The following HDAC8 variants were observed in gnomAD, a reference collection of about 807,000 sequenced individuals.
HDAC8 encodes histone deacetylase 8, also known as histone deacetylase-like 1.
In HDAC8, 1 loss-of-function variant was observed where a neutral mutation model predicts 32.2. The ratio of observed to expected loss-of-function variants is 0.03; its 90% CI spans 0.01 to 0.15. HDAC8 has a LOEUF of 0.15. Ranked by LOEUF, HDAC8 falls within the 10% of genes least tolerant of loss-of-function variation. HDAC8 has a pLI of 1.00. For synonymous variants in HDAC8, 108 were observed against 113.9 expected (o/e 0.95, Z 0.33); for missense variants, 117 against 300.0 (o/e 0.39, Z 4.51).
chrX:72,344,891 T>C (rs782506613), intron 10 of HDAC8, among the ~76,000 whole-genome samples: 50 of 111,892 alleles, frequency 4.5e-4, no homozygotes, highest in African/African-American at 1.5e-3. Flanking sequence ...CAAATATCAC[T>C]GTATCATGTG....
At chrX:72,333,842 G>C (rs2043605321) in intron 10 of HDAC8, among the ~76,000 whole-genome samples, 1 of 111,550 alleles carries the variant, frequency 9.0e-6, no homozygotes, top group South Asian at 3.8e-4. Context: ...ACCTACAGGG[G>C]ACACTGGTGT....
At chrX:72,528,800 A>G (rs782081476) in intron 4 of HDAC8, among the ~76,000 whole-genome samples, 1 of 111,859 alleles carries the variant, frequency 8.9e-6, no homozygotes, top group Non-Finnish European at 1.9e-5. Flanking sequence ...TACCTTACTC[A>G]TGTCCTTATC....
intron 7 of HDAC8, among the ~76,000 whole-genome samples, chrX:72,477,188 G>C (rs782373765): frequency 8.9e-6 from 1 of 111,896 alleles, no homozygotes; most frequent in Admixed American, 9.5e-5. Context: ...GGAAAGGGGA[G>C]TGTTGGAGTC....
intron 4 of HDAC8, among the ~76,000 whole-genome samples, chrX:72,495,840 G>C (rs1320378846): frequency 8.9e-6 from 1 of 112,197 alleles, no homozygotes; most frequent in Non-Finnish European, 1.9e-5. Flanking sequence ...GTGGTCGCCT[G>C]TCTGTAAATG....
chrX:72,568,895 C>T lies in HDAC8; in HGVS notation c.165-11G>A, dbSNP rs782773507. 1.7e-6 allele frequency: 2 copies of T among 1,202,599 alleles called. No individual in the cohort carries two copies. The highest frequency in any genetic ancestry group is 3.5e-5 in the African/African-American group (2 of 56,963). ...TTAGGCTTAACTATCCTAATAATAA[C>T]AGAGAGAACAAAGAGAGGTCAGTGA... On this transcript the variant is annotated splice_polypyrimidine_tract_variant and intron_variant, in intron 2 of 10. Coordinates refer to ENST00000373573, the MANE Select transcript of HDAC8 (RefSeq NM_018486.3).
intron 4 of HDAC8, among the ~76,000 whole-genome samples, chrX:72,525,604 C>G (rs1025630694): frequency 1.3e-4 from 14 of 109,336 alleles, no homozygotes; most frequent in East Asian, 2.9e-4. Context: ...ACGAGGTCAG[C>G]AGATCGAGAC....
intron 9 of HDAC8, among the ~76,000 whole-genome samples, chrX:72,411,266 C>T (rs1366557079): frequency 1.8e-5 from 2 of 110,811 alleles, no homozygotes; most frequent in Non-Finnish European, 3.8e-5. Flanking sequence ...CCTCGTGATC[C>T]TCCCACCTTG....
At chrX:72,551,294 T>C (rs1273197485) in intron 4 of HDAC8, among the ~76,000 whole-genome samples, 1 of 112,073 alleles carries the variant, frequency 8.9e-6, no homozygotes, top group African/African-American at 3.2e-5. Context: ...TTAAAGATCA[T>C]GCTACAAATA....
intron 4 of HDAC8, among the ~76,000 whole-genome samples, chrX:72,505,440 G>A (rs782637963): frequency 9.0e-6 from 1 of 111,663 alleles, no homozygotes; most frequent in South Asian, 3.8e-4. Flanking sequence ...CCTATTCACT[G>A]TCTTTGAGCT....
intron 4 of HDAC8, among the ~76,000 whole-genome samples, chrX:72,564,075 G>A (rs782518254): frequency 2.3e-3 from 251 of 111,012 alleles, no homozygotes; most frequent in Middle Eastern, 9.3e-3. Context: ...CAGGAGAATC[G>A]CTTGAACCCG....
intron 10 of HDAC8, among the ~76,000 whole-genome samples, chrX:72,335,686 G>A (rs2043663267): frequency 9.0e-6 from 1 of 111,076 alleles, no homozygotes; most frequent in Admixed American, 9.7e-5. Context: ...TGAGGCGGGA[G>A]GATCACTTGA....
chrX:72,500,193 C>T (rs782087330), intron 4 of HDAC8, among the ~76,000 whole-genome samples: 14 of 111,667 alleles, frequency 1.3e-4, no homozygotes, highest in Non-Finnish European at 2.4e-4. Context: ...CCAAATTCTA[C>T]CAGATGTATA....
chrX:72,472,205 C>A (rs782699161), intron 7 of HDAC8, among the ~76,000 whole-genome samples: 1 of 106,108 alleles, frequency 9.4e-6, no homozygotes, highest in African/African-American at 3.4e-5. Context: ...GTAGCTGGGA[C>A]TACAGGCGCC....
intron 4 of HDAC8, among the ~76,000 whole-genome samples, chrX:72,521,013 A>T (rs1372585679): frequency 2.7e-5 from 3 of 112,234 alleles, no homozygotes; most frequent in Non-Finnish European, 5.6e-5. Flanking sequence ...GAGTTTAATA[A>T]CTTGTTTAAC....
At chrX:72,333,804 G>A (rs1307676759) in intron 10 of HDAC8, among the ~76,000 whole-genome samples, 3 of 111,038 alleles carry the variant, frequency 2.7e-5, no homozygotes, top group African/African-American at 3.3e-5. Context: ...CCACACCTTC[G>A]CTTGTGTTGT....
chrX:72,414,942 C>T (rs1259109967), intron 9 of HDAC8, among the ~76,000 whole-genome samples: 1 of 112,182 alleles, frequency 8.9e-6, no homozygotes, highest in African/African-American at 3.2e-5. Flanking sequence ...GTTCCTTGAT[C>T]CTGGGAAAGA....
At chrX:72,407,698 G>T (rs990490654) in intron 9 of HDAC8, among the ~76,000 whole-genome samples, 2 of 111,815 alleles carry the variant, frequency 1.8e-5, no homozygotes, top group African/African-American at 3.3e-5. Context: ...AGGAAATAGA[G>T]CCTCCAGAAG....
intron 7 of HDAC8, among the ~76,000 whole-genome samples, chrX:72,468,783 C>T (rs2048087778): frequency 8.9e-6 from 1 of 112,119 alleles, no homozygotes; most frequent in South Asian, 3.7e-4. Context: ...GTGATAAGTG[C>T]TATAATATTC....
chrX:72,492,590 G>T (rs1170519754), intron 5 of HDAC8, among the ~76,000 whole-genome samples: 3 of 110,136 alleles, frequency 2.7e-5, no homozygotes, highest in Non-Finnish European at 5.7e-5. Flanking sequence ...GGTGGGGCAG[G>T]GGTCACTGTA....
Sources: gnomAD v4.1 joint callset for allele counts (sites outside exome capture counted in the v4.1 genomes callset) on GRCh38, gnomAD v4.1.1 for gene constraint, MANE v1.5 for transcripts, NCBI Gene and HGNC (gene_info 2026-07-23, HGNC 2026-07-21) for gene names.